The following CFAP44 variants were observed in gnomAD, a reference collection of about 807,000 sequenced individuals.
CFAP44 encodes the protein cilia and flagella associated protein 44, also known as cilia- and flagella-associated protein 44.
In CFAP44, 134 loss-of-function variants were observed where a neutral mutation model predicts 216.2. That is an observed-to-expected ratio of 0.62 (90% CI 0.54 to 0.72). CFAP44 has a LOEUF of 0.72. Among genes scored for constraint, CFAP44 ranks in the 30% least tolerant of loss-of-function variants. The probability of loss-of-function intolerance (pLI) is 0.00; values close to 1 mark genes in which losing one functional copy is unlikely to be tolerated. For synonymous variants in CFAP44, 700 were observed against 727.6 expected (o/e 0.96, Z 0.61); for missense variants, 2,035 against 2,182.1 (o/e 0.93, Z 1.34).
intron 2 of CFAP44, chr3:113,428,948 GC>G (rs1935032756): frequency 2.0e-5 from 3 of 152,086 alleles, no homozygotes; most frequent in African/African-American, 7.2e-5. Context: ...GAGAGATACT[GC>G]TTCCCGCAAA....
At chr3:113,322,329 A>G in intron 28 of CFAP44, among the ~76,000 whole-genome samples, 1 of 152,216 alleles carries the variant, frequency 6.6e-6, no homozygotes, top group East Asian at 1.9e-4. Context: ...GACAACCTAC[A>G]GAATGGAAGA....
chr3:113,412,199 A>G (rs906843030), intron 6 of CFAP44, among the ~76,000 whole-genome samples: 1 of 152,200 alleles, frequency 6.6e-6, no homozygotes, highest in African/African-American at 2.4e-5. Context: ...AAGGAATTCA[A>G]TTAGGAAAAG....
chr3:113,403,947 G>T lies in CFAP44; in HGVS notation c.1075C>A (p.Arg359=), dbSNP rs763345969. The T allele has an allele frequency of 6.2e-7, 1 of 1,613,974 alleles. No homozygotes were observed. The highest frequency in any genetic ancestry group is 8.5e-7 in the Non-Finnish European group (1 of 1,180,022). ...EGGLIKVELC[R]GTSKSCHNGP... ...TTGTGACATGACTTGCTTGTCCCTC[G>T]ACAGAGCTCCACTTTGATCAGACCA... The change falls in exon 9 of 35, where the codon CGA becomes AGA. Residue 359 remains arginine, a synonymous_variant. Transcript: ENST00000393845.
chr3:113,307,043 A>G (rs1559906188), intron 29 of CFAP44, among the ~76,000 whole-genome samples: 1 of 152,252 alleles, frequency 6.6e-6, no homozygotes, highest in East Asian at 1.9e-4. Context: ...AAAACAAATT[A>G]CAGATCCCAA....
rs748654269 is a variant in CFAP44 at position 113,345,022 on chromosome 3, C to T, written c.3066-310G>A. ...AACTGCAGTTTAATGGTAAATAGAT[C>T]ATATCAAATTCTGAGGAAATAGAAT... On this transcript the variant is annotated intron_variant, in intron 22 of 34. Coordinates refer to ENST00000393845, the MANE Select transcript of CFAP44 (RefSeq NM_001164496.2). 3.3e-4 allele frequency among the ~76,000 whole-genome samples: 49 copies of T among 149,514 alleles called. No individual in the cohort carries two copies. The Middle Eastern group carries it at 0.011, about 33-fold the overall frequency.
At chr3:113,360,858 AT>A (rs1422232477) in intron 21 of CFAP44, 3 of 190,376 alleles carry the variant, frequency 1.6e-5, no homozygotes, top group Non-Finnish European at 3.3e-5. Context: ...GTAGGGGGAA[AT>A]TGATACAAGA....
intron 32 of CFAP44, among the ~76,000 whole-genome samples, chr3:113,299,080 T>C (rs1024403940): frequency 2.6e-5 from 4 of 152,196 alleles, no homozygotes; most frequent in Non-Finnish European, 5.9e-5. Flanking sequence ...ACACAGTTAT[T>C]GTTCATCAAA....
intron 24 of CFAP44, among the ~76,000 whole-genome samples, chr3:113,335,468 C>CT (rs1361710032): frequency 6.6e-6 from 1 of 152,182 alleles, no homozygotes; most frequent in Non-Finnish European, 1.5e-5. Flanking sequence ...TACATAGCGC[C>CT]TTAACATTTT....
intron 18 of CFAP44, among the ~76,000 whole-genome samples, chr3:113,367,501 G>A (rs1172452477): frequency 6.6e-6 from 1 of 152,230 alleles, no homozygotes; most frequent in East Asian, 1.9e-4. Flanking sequence ...CTGACTGCTA[G>A]AAGGAAAACT....
intron 32 of CFAP44, among the ~76,000 whole-genome samples, chr3:113,303,597 G>C (rs1446806942): frequency 6.6e-6 from 1 of 152,150 alleles, no homozygotes; most frequent in East Asian, 1.9e-4. Context: ...AAGAGATGGG[G>C]CTTCGATTGT....
intron 2 of CFAP44, among the ~76,000 whole-genome samples, chr3:113,433,054 C>T (rs1182330005): frequency 2.0e-5 from 3 of 152,046 alleles, no homozygotes; most frequent in Non-Finnish European, 2.9e-5. Flanking sequence ...TTTCCTGGAC[C>T]ATATGTAGTC....
intron 21 of CFAP44, 59 bp downstream of exon 21, chr3:113,363,086 T>C (rs1489917841): frequency 2.1e-6 from 3 of 1,451,100 alleles, no homozygotes; most frequent in Non-Finnish European, 2.7e-6. Flanking sequence ...GGGAAAATAG[T>C]CATCTCTATC....
intron 15 of CFAP44, among the ~76,000 whole-genome samples, chr3:113,383,698 T>G (rs2107340427): frequency 6.6e-6 from 1 of 152,314 alleles, no homozygotes; most frequent in South Asian, 2.1e-4. Flanking sequence ...GCAAATAAAT[T>G]GTCTCAAAAA....
At position 113,343,011 on chromosome 3, in the gene CFAP44, A is replaced by T. The variant is rs778556119; in HGVS notation, c.3263-1093T>A. On this transcript the variant is annotated intron_variant, in intron 23 of 34. Coordinates refer to ENST00000393845, the MANE Select transcript of CFAP44 (RefSeq NM_001164496.2). ...AAATAAATAAATAAATAAAAAATTA[A>T]AAAAAAATGGCTGTATCAACTAACA... is the stretch of plus-strand genomic sequence containing the variant. 1.1e-4 allele frequency among the ~76,000 whole-genome samples: 16 copies of T among 142,602 alleles called. No homozygotes were observed. In the South Asian group the frequency reaches 1.9e-3, roughly 17 times the overall value. 93.6% of individuals were successfully genotyped at this position (142,602 alleles called of 152,430 possible).
chr3:113,351,334 G>C (rs1436100120), intron 22 of CFAP44, among the ~76,000 whole-genome samples: 14 of 152,152 alleles, frequency 9.2e-5, no homozygotes, highest in Admixed American at 6.6e-5. Context: ...ACCCCTCAAA[G>C]CTTAAGTCCA....
intron 32 of CFAP44, among the ~76,000 whole-genome samples, chr3:113,299,151 G>A (rs185149017): frequency 2.0e-5 from 3 of 152,226 alleles, no homozygotes; most frequent in East Asian, 1.9e-4. Context: ...GAAAATATTT[G>A]CAAATTATTC....
chr3:113,356,076 A>G (rs945756457), intron 22 of CFAP44, among the ~76,000 whole-genome samples: 1 of 149,690 alleles, frequency 6.7e-6, no homozygotes, highest in African/African-American at 2.4e-5. Context: ...TCAAGAAGGT[A>G]GAGGAAAGCG....
chr3:113,405,058 T>C (rs181770191), intron 8 of CFAP44, among the ~76,000 whole-genome samples: 1 of 152,334 alleles, frequency 6.6e-6, no homozygotes, highest in East Asian at 1.9e-4. Flanking sequence ...GGAGCTTCTG[T>C]ACAGACTGAT....
chr3:113,434,385 T>A (rs1935185995), intron 1 of CFAP44: 1 of 152,128 alleles, frequency 6.6e-6, no homozygotes, highest in Admixed American at 6.6e-5. Context: ...CTGCAAGCAG[T>A]CTATTGGCCA....
Sources: allele counts gnomAD v4.1 joint callset (sites outside exome capture counted in the v4.1 genomes callset), GRCh38; gene constraint gnomAD v4.1.1; transcripts MANE v1.5; gene names NCBI Gene and HGNC (gene_info 2026-07-23, HGNC 2026-07-21).